FGF9: variants seen among roughly 807,000 people sequenced by gnomAD.
FGF9 encodes fibroblast growth factor 9, also known as fibroblast growth factor 9 (glia-activating factor).
Under a neutral mutation model 19.9 loss-of-function variants are expected in FGF9, and 3 were observed. That is an observed-to-expected ratio of 0.15 (90% CI 0.07 to 0.39). The LOEUF is 0.39. Ranked by LOEUF, FGF9 falls within the 10% of genes least tolerant of loss-of-function variation. FGF9 has a pLI of 1.00. For missense variants in FGF9, 175 were observed against 256.8 expected, an observed-to-expected ratio of 0.68 and a Z score of 2.18; for synonymous variants, 107 against 106.9, an observed-to-expected ratio of 1.00 and a Z score of -0.01.
At position 21,702,021 on chromosome 13, in the gene FGF9, A is replaced by T. The variant is rs1366387106; in HGVS notation, c.*586A>T. 3.3e-5 allele frequency: 5 copies of T among 151,544 alleles called. No individual in the cohort carries two copies. 9.4% of individuals were successfully genotyped at this position (151,544 alleles called of 1,614,324 possible). On this transcript the variant is annotated 3_prime_UTR_variant, in exon 3 of 3. Coordinates refer to ENST00000382353, the MANE Select transcript of FGF9 (RefSeq NM_002010.3). Reference sequence around the variant, plus strand: ...AAAAATAAAAAATAAAAATAAAAAAAGTTAAATTTATTTATAGAAATTCCA... The same window carrying T: ...AAAAATAAAAAATAAAAATAAAAAATGTTAAATTTATTTATAGAAATTCCA...
At chr13:21,690,581 T>C (rs1872263958) in intron 2 of FGF9, among the ~76,000 whole-genome samples, 1 of 152,224 alleles carries the variant, frequency 6.6e-6, no homozygotes, top group African/African-American at 2.4e-5. Context: ...TTGATCCTCA[T>C]TGTTCACAGA....
chr13:21,678,432 G>T (rs61944940), intron 1 of FGF9, among the ~76,000 whole-genome samples: 587 of 152,264 alleles, frequency 3.9e-3, no homozygotes, highest in Middle Eastern at 6.8e-3. Flanking sequence ...GTACACTGGG[G>T]ATTAGAATAT....
chr13:21,695,169 C>T (rs773635832), intron 2 of FGF9, among the ~76,000 whole-genome samples: 1 of 151,830 alleles, frequency 6.6e-6, no homozygotes, highest in Admixed American at 6.6e-5. Context: ...CAAATATTGA[C>T]GTAAGCAGCT....
chr13:21,694,013 C>T (rs1323068152), intron 2 of FGF9, among the ~76,000 whole-genome samples: 1 of 152,142 alleles, frequency 6.6e-6, no homozygotes, highest in African/African-American at 2.4e-5. Context: ...TCCAGAGTTA[C>T]TGTGGATAAC....
rs61706549 is a variant in FGF9 at position 21,701,709 on chromosome 13, ATGTG to A, written c.*302_*305del. 6.6e-3 allele frequency: 2,353 copies of A among 355,558 alleles called. 10 individuals are homozygous for A. Among genetic ancestry groups the A allele is most frequent in the East Asian group, 0.038 (642 of 16,968 alleles). 22.0% of individuals were successfully genotyped at this position (355,558 alleles called of 1,614,324 possible). ...GAGACTGAGCGCTAGGAGTGTGTGTATGTGTGTGTGTGTGTGTGTGTGTGTGTGT... is the reference window on the plus strand; with the variant it reads ...GAGACTGAGCGCTAGGAGTGTGTGTATGTGTGTGTGTGTGTGTGTGTGTGT... On this transcript the variant is annotated 3_prime_UTR_variant, in exon 3 of 3. Transcript: ENST00000382353.
chr13:21,692,719 C>T (rs551941169), intron 2 of FGF9, among the ~76,000 whole-genome samples: 48 of 152,212 alleles, frequency 3.2e-4, no homozygotes, highest in Non-Finnish European at 6.6e-4. Context: ...GCTGTACTCA[C>T]ACGAGAGACG....
intron 1 of FGF9, chr13:21,674,307 AGGTGGGTCGGG>A (rs1368533910): frequency 2.2e-5 from 1 of 46,190 alleles, no homozygotes; most frequent in Admixed American, 2.7e-4. Flanking sequence ...GGTGCCCGGG[AGGTGGGTCGGG>A]GGCCCCTGGC....
At chr13:21,675,040 G>T (rs1871876868) in intron 1 of FGF9, among the ~76,000 whole-genome samples, 1 of 148,946 alleles carries the variant, frequency 6.7e-6, no homozygotes. Context: ...TGTGGGGGCT[G>T]GGGGGAGGGG....
rs1871786864 is a variant in FGF9, at chr13:21,672,272, G to A, written c.277+83G>A. On this transcript the variant is annotated intron_variant, in intron 1 of 2. Coordinates refer to ENST00000382353, the MANE Select transcript of FGF9 (RefSeq NM_002010.3). The surrounding 1 kb of genome is among the most constrained non-coding windows in gnomAD (Gnocchi z 4.2). ...CCAAGAAGGTGGTGGCCGGGTGGGG[G>A]ACGTGGGAAGGGTTCTCCCCTCCTC... 3 of 1,479,658 alleles carry A rather than the reference G, an allele frequency of 2.0e-6. No homozygotes were observed. Among genetic ancestry groups the A allele is most frequent in the Admixed American group, 1.7e-5 (1 of 59,804 alleles). The allele number at this position is 1,479,658 out of a possible 1,614,324, so 91.7% of individuals were successfully genotyped here.
rs1872284662 is a variant in FGF9, at chr13:21,691,304, G to T, written c.382-9886G>T. Among the ~76,000 whole-genome samples the T allele has an allele frequency of 6.6e-6, 1 of 152,144 alleles. No homozygotes were observed. Among genetic ancestry groups the T allele is most frequent in the South Asian group, 2.1e-4 (1 of 4,824 alleles). On this transcript the variant is annotated intron_variant, in intron 2 of 2. Transcript: ENST00000382353. The surrounding 1 kb of genome is among the most constrained non-coding windows in gnomAD (Gnocchi z 4.2). ...GAATGTTAGAATTATAAACAAAAGG[G>T]GCTTGGAGAGCTTGCAGGAGGGAGC...
intron 2 of FGF9, among the ~76,000 whole-genome samples, chr13:21,693,440 G>C (rs917887499): frequency 6.6e-6 from 1 of 152,258 alleles, no homozygotes; most frequent in South Asian, 2.1e-4. Flanking sequence ...CAAGAGCCAC[G>C]TGGAAATATC....
In FGF9 at chr13:21,672,832, G is replaced by T. The variant is rs2138125665; in HGVS notation, c.277+643G>T. 6.6e-6 allele frequency among the ~76,000 whole-genome samples: 1 copy of T among 152,338 alleles called. No individual in the cohort carries two copies. Among genetic ancestry groups the T allele is most frequent in the East Asian group, 1.9e-4 (1 of 5,188 alleles). ...AGAGGCAGGGCGCTCAGGGGTTTTT[G>T]TCCTTCCAGCTATCAAGTGATAACC... On this transcript the variant is annotated intron_variant, in intron 1 of 2. Transcript: ENST00000382353. This position sits in a 1 kb window ranked among gnomAD's most constrained non-coding sequence, Gnocchi z 4.2.
In FGF9 at chr13:21,680,946, G is replaced by A. The variant is rs1182587124; in HGVS notation, c.278-96G>A. 3 of 847,930 alleles carry A rather than the reference G, an allele frequency of 3.5e-6. No homozygotes were observed. The African/African-American group carries it at 5.0e-5, about 14-fold the overall frequency. The allele number at this position is 847,930 out of a possible 1,614,324, so 52.5% of individuals were successfully genotyped here. On this transcript the variant is annotated intron_variant, in intron 1 of 2. Coordinates refer to ENST00000382353, the MANE Select transcript of FGF9 (RefSeq NM_002010.3). ...GTGGGGTTATCCAAGTGGGGAGCTG[G>A]GCTTAGTGTCCTCTCCAAAACCCCA...
chr13:21,688,210 A>C (rs932783295), intron 2 of FGF9, among the ~76,000 whole-genome samples: 3 of 152,200 alleles, frequency 2.0e-5, no homozygotes, highest in African/African-American at 7.2e-5. Context: ...CTGATTTGTC[A>C]CTGTAGTGGT....
rs1210204096 is a variant in FGF9 at position 21,704,106 on chromosome 13, G to A, written c.*2671G>A. Reference sequence around the variant, plus strand: ...TTTGCATCCAGTTCTTGTCTTAAGAGACCCAAAGCCCAGTGAATGGCAGCC... The same window carrying A: ...TTTGCATCCAGTTCTTGTCTTAAGAAACCCAAAGCCCAGTGAATGGCAGCC... On this transcript the variant is annotated 3_prime_UTR_variant, in exon 3 of 3. Transcript: ENST00000382353. The A allele has an allele frequency of 6.6e-6, 1 of 152,150 alleles. No homozygotes were observed. The highest frequency in any genetic ancestry group is 1.5e-5 in the Non-Finnish European group (1 of 68,050). 9.4% of individuals were successfully genotyped at this position (152,150 alleles called of 1,614,324 possible). A position where few individuals can be genotyped will look rare whatever the true frequency, so the allele number is the denominator to read the frequency against.
chr13:21,701,211 G>A lies in FGF9; in HGVS notation c.403G>A (p.Val135Ile), dbSNP rs1466682170. 5 of 1,613,710 alleles carry A rather than the reference G, an allele frequency of 3.1e-6. No homozygotes were observed. The highest frequency in any genetic ancestry group is 4.2e-6 in the Non-Finnish European group (5 of 1,179,800). ...ACAGGAAAAACTAACCCAAGAGTGTGTATTCAGAGAACAGTTCGAAGAAAA... is the reference window on the plus strand; with the variant it reads ...ACAGGAAAAACTAACCCAAGAGTGTATATTCAGAGAACAGTTCGAAGAAAA... ...YGSEKLTQEC[V>I]FREQFEENWY... Residue 135 changes from valine to isoleucine, a missense_variant, in exon 3 of 3, where the codon GTA (valine) becomes ATA (isoleucine). By Grantham distance (29) the Val-to-Ile change is conservative (BLOSUM62 3). Coordinates refer to ENST00000382353, the MANE Select transcript of FGF9 (RefSeq NM_002010.3).
chr13:21,678,722 G>T (rs768681979), intron 1 of FGF9, among the ~76,000 whole-genome samples: 4 of 152,120 alleles, frequency 2.6e-5, no homozygotes, highest in Non-Finnish European at 2.9e-5. Context: ...TCCCTTAGAA[G>T]CTGCAAATAT....
intron 1 of FGF9, among the ~76,000 whole-genome samples, chr13:21,679,131 A>G (rs1369763365): frequency 6.6e-6 from 1 of 152,224 alleles, no homozygotes; most frequent in African/African-American, 2.4e-5. Flanking sequence ...TGTATTCTCC[A>G]TCATAGAGTC....
intron 1 of FGF9, among the ~76,000 whole-genome samples, chr13:21,678,930 T>A (rs1871976561): frequency 6.6e-6 from 1 of 152,218 alleles, no homozygotes; most frequent in South Asian, 2.1e-4. Flanking sequence ...TTCACATACA[T>A]GTGACTGCTA....
Sources: gnomAD v4.1 joint callset for allele counts (sites outside exome capture counted in the v4.1 genomes callset) on GRCh38, gnomAD v4.1.1 for gene constraint, Gnocchi (gnomAD v3.1) non-coding constraint, MANE v1.5 for transcripts, NCBI Gene and HGNC (gene_info 2026-07-23, HGNC 2026-07-21) for gene names.